JARID2: variants seen among roughly 807,000 people sequenced by gnomAD.
JARID2 encodes the protein jumonji and AT-rich interaction domain containing 2.
In JARID2, 21 loss-of-function variants were observed where a neutral mutation model predicts 125.6. The ratio of observed to expected loss-of-function variants is 0.17; its 90% CI spans 0.12 to 0.24. The LOEUF (loss-of-function observed/expected upper bound fraction) is 0.24. Among genes scored for constraint, JARID2 ranks in the 10% least tolerant of loss-of-function variants. The pLI is 1.00. For synonymous variants in JARID2, 736 were observed against 661.6 expected, an observed-to-expected ratio of 1.11 and a Z score of -1.73; for missense variants, 1,303 against 1,639.6, an observed-to-expected ratio of 0.79 and a Z score of 3.55.
chr6:15,515,554 G>A (rs1031530280), intron 16 of JARID2, among the ~76,000 whole-genome samples: 4 of 152,132 alleles, frequency 2.6e-5, no homozygotes, highest in African/African-American at 9.7e-5. Context: ...GGGAGGCAAT[G>A]GTGGGCAGAT....
intron 5 of JARID2, among the ~76,000 whole-genome samples, chr6:15,470,607 T>C (rs1166735492): frequency 6.6e-6 from 1 of 152,210 alleles, no homozygotes; most frequent in Non-Finnish European, 1.5e-5. Context: ...TAGTAGAGGG[T>C]GCAATCTCTT....
At chr6:15,351,088 T>G (rs1763414487) in intron 1 of JARID2, among the ~76,000 whole-genome samples, 1 of 152,174 alleles carries the variant, frequency 6.6e-6, no homozygotes, top group Admixed American at 6.6e-5. Context: ...AAATACAAAT[T>G]TCATATTTGA....
chr6:15,503,416 C>T (rs146965307), intron 8 of JARID2, among the ~76,000 whole-genome samples: 11 of 152,356 alleles, frequency 7.2e-5, no homozygotes, highest in Admixed American at 2.0e-4. Context: ...GTCTCCATGC[C>T]GACTACGACT....
At chr6:15,380,308 T>A (rs1010916617) in intron 2 of JARID2, among the ~76,000 whole-genome samples, 1 of 152,148 alleles carries the variant, frequency 6.6e-6, no homozygotes, top group African/African-American at 2.4e-5. Context: ...GTGCTGAGAT[T>A]ACAAGCGTGA....
chr6:15,509,911 T>C (rs1159005419), intron 12 of JARID2, among the ~76,000 whole-genome samples: 1 of 152,000 alleles, frequency 6.6e-6, no homozygotes, highest in Non-Finnish European at 1.5e-5. Flanking sequence ...GTGTGTAGTT[T>C]TTCTTAAAAC....
chr6:15,413,002 G>GTTTT (rs745910520), intron 3 of JARID2, among the ~76,000 whole-genome samples: 985 of 46,442 alleles, frequency 0.021, 162 homozygotes, highest in South Asian at 0.036. Flanking sequence ...AAGAGCTTGT[G>GTTTT]TTTTTGTTTT....
Position 15,438,993 on chromosome 6 carries a change from C to T in JARID2, c.324-13013C>T, listed in dbSNP as rs188624476. On this transcript the variant is annotated intron_variant, in intron 3 of 17. Transcript: ENST00000341776. ...GTTTTAGTGAGCTGAGATCACGCCA[C>T]TGCACTCCAGCCTGGGTGACAGAGC... Among the ~76,000 whole-genome samples the T allele has an allele frequency of 2.6e-3, 395 of 149,890 alleles. 3 individuals are homozygous for T. Among genetic ancestry groups the T allele is most frequent in the African/African-American group, 7.9e-3 (319 of 40,554 alleles).
intron 1 of JARID2, chr6:15,247,804 C>T: frequency 2.0e-6 from 2 of 985,306 alleles, no homozygotes; most frequent in Admixed American, 6.1e-5. Flanking sequence ...TAATCAAGCC[C>T]AACTTAGAAA....
chr6:15,382,003 G>A (rs1026280206), intron 2 of JARID2, among the ~76,000 whole-genome samples: 35 of 152,248 alleles, frequency 2.3e-4, no homozygotes, highest in Non-Finnish European at 5.0e-4. Flanking sequence ...ACCAAATGGG[G>A]CTGGGTACTG....
chr6:15,490,177 CTG>C (rs57649741), intron 6 of JARID2, among the ~76,000 whole-genome samples: 2,429 of 152,278 alleles, frequency 0.016, 66 homozygotes, highest in African/African-American at 0.055. Context: ...AGTGATTAGA[CTG>C]TGACCTTTCA....
chr6:15,281,267 C>A (rs1478533835), intron 1 of JARID2, among the ~76,000 whole-genome samples: 4 of 152,216 alleles, frequency 2.6e-5, no homozygotes, highest in African/African-American at 9.6e-5. Flanking sequence ...ACTACGAAGT[C>A]ATTTTGGATT....
At chr6:15,323,009 G>A (rs570647850) in intron 1 of JARID2, among the ~76,000 whole-genome samples, 84 of 152,362 alleles carry the variant, frequency 5.5e-4, no homozygotes, top group African/African-American at 1.8e-3. Context: ...CAATTTGGTC[G>A]TAGCAGCAGG....
chr6:15,339,605 G>A (rs1039519412), intron 1 of JARID2, among the ~76,000 whole-genome samples: 10 of 145,272 alleles, frequency 6.9e-5, no homozygotes, highest in Non-Finnish European at 1.5e-4. Context: ...GTGCGATCTC[G>A]GCTCACCGCA....
intron 2 of JARID2, among the ~76,000 whole-genome samples, chr6:15,391,779 T>G (rs1040139034): frequency 4.6e-5 from 7 of 152,206 alleles, no homozygotes; most frequent in African/African-American, 1.7e-4. Flanking sequence ...ACTGGCATCC[T>G]CCTTATGTAA....
chr6:15,496,695 G>A lies in JARID2; in HGVS notation c.1470G>A (p.Pro490=), dbSNP rs769616545. 4 of 1,613,390 alleles carry A rather than the reference G, an allele frequency of 2.5e-6. No homozygotes were observed. Among genetic ancestry groups the A allele is most frequent in the South Asian group, 2.2e-5 (2 of 91,080 alleles). Reference sequence around the variant, plus strand: ...ACGGACACGTGAAGAAGGAAGTGCCGGAGCGCAGTCTGGAGAGGAATCGGC... The same window carrying A: ...ACGGACACGTGAAGAAGGAAGTGCCAGAGCGCAGTCTGGAGAGGAATCGGC... ...LLNGHVKKEV[P]ERSLERNRPK... The change falls in exon 7 of 18, where the codon CCG becomes CCA. Residue 490 remains proline (P), a synonymous_variant. Coordinates refer to ENST00000341776, the MANE Select transcript of JARID2 (RefSeq NM_004973.4).
In JARID2 at chr6:15,520,760, G is replaced by A. The variant is rs773577793; in HGVS notation, c.*509G>A. On this transcript the variant is annotated 3_prime_UTR_variant, in exon 18 of 18. Transcript: ENST00000341776. ...TCGTCTTCTGCCGTGTGCCAGATGA[G>A]CTTGTGATCTGGGAAGCCGGGGCAC... is the stretch of plus-strand genomic sequence containing the variant. The A allele has an allele frequency of 2.2e-6, 1 of 455,966 alleles. No individual in the cohort carries two copies. Among genetic ancestry groups the A allele is most frequent in the Non-Finnish European group, 4.4e-6 (1 of 226,782 alleles). The allele number at this position is 455,966 out of a possible 1,614,324, so 28.2% of individuals were successfully genotyped here.
chr6:15,258,372 C>A (rs1759745009), intron 1 of JARID2, among the ~76,000 whole-genome samples: 1 of 152,188 alleles, frequency 6.6e-6, no homozygotes, highest in African/African-American at 2.4e-5. Flanking sequence ...ATCACTTCAC[C>A]TCTCCAGGTC....
chr6:15,345,988 T>C (rs558954698), intron 1 of JARID2, among the ~76,000 whole-genome samples: 3 of 152,234 alleles, frequency 2.0e-5, no homozygotes, highest in Non-Finnish European at 4.4e-5. Flanking sequence ...ATTCCGTAAG[T>C]GTTCGTGGTT....
intron 5 of JARID2, among the ~76,000 whole-genome samples, chr6:15,485,264 T>G (rs946835716): frequency 6.6e-6 from 1 of 152,112 alleles, no homozygotes; most frequent in Non-Finnish European, 1.5e-5. Flanking sequence ...CAACCGATAA[T>G]CCAGATGGGG....
Sources: gnomAD v4.1 joint callset for allele counts (sites outside exome capture counted in the v4.1 genomes callset) on GRCh38, gnomAD v4.1.1 for gene constraint, MANE v1.5 for transcripts, NCBI Gene and HGNC (gene_info 2026-07-23, HGNC 2026-07-21) for gene names.